Variants in IPO7 observed in about 807,000 individuals in gnomAD.
The protein encoded by IPO7 is importin-7.
In IPO7, 13 loss-of-function variants were observed where a neutral mutation model predicts 136.4. The observed-to-expected ratio is 0.10, with a 90% CI of 0.06 to 0.15. IPO7 has a LOEUF of 0.15. Among genes scored for constraint, IPO7 ranks in the 10% least tolerant of loss-of-function variants. The pLI is 1.00. For missense variants in IPO7, 857 were observed against 1,240.6 expected, an observed-to-expected ratio of 0.69 and a Z score of 4.65; for synonymous variants, 403 against 404.4, an observed-to-expected ratio of 1.00 and a Z score of 0.04.
chr11:9,388,852 C>T (rs1194230528), intron 1 of IPO7, among the ~76,000 whole-genome samples: 2 of 152,142 alleles, frequency 1.3e-5, no homozygotes, highest in Non-Finnish European at 2.9e-5. Flanking sequence ...CAGACACGTG[C>T]TACCACGCCT....
chr11:9,385,725 G>GT (rs143006645), intron 1 of IPO7, among the ~76,000 whole-genome samples: 7 of 149,878 alleles, frequency 4.7e-5, no homozygotes, highest in African/African-American at 7.3e-5. Context: ...TTCTCTGAAG[G>GT]TTTTTTTTTT....
At chr11:9,422,776 T>G (rs1347037319) in intron 8 of IPO7, among the ~76,000 whole-genome samples, 1 of 152,174 alleles carries the variant, frequency 6.6e-6, no homozygotes, top group Non-Finnish European at 1.5e-5. Flanking sequence ...AGTGAGACAC[T>G]GTCTCTAACA....
Position 9,429,661 on chromosome 11 carries a change from CT to C in IPO7, c.1592-10del, listed in dbSNP as rs771882670. Reference sequence around the variant, plus strand: ...AGGGGTTTTACGCAAGTTTTTTACTCTTTCTCTTACAGCTAAAGAATATATC... The same window carrying C: ...AGGGGTTTTACGCAAGTTTTTTACTCTTCTCTTACAGCTAAAGAATATATC... On this transcript the variant is annotated splice_polypyrimidine_tract_variant and intron_variant, in intron 14 of 24. Transcript: ENST00000379719. 8 of 1,592,170 alleles carry C rather than the reference CT, an allele frequency of 5.0e-6. No individual in the cohort carries two copies. In the Admixed American group the frequency reaches 1.5e-4, roughly 29 times the overall value.
Position 9,429,663 on chromosome 11 carries a change from T to C in IPO7, c.1592-11T>C. 6.3e-7 allele frequency: 1 copy of C among 1,595,866 alleles called. No homozygotes were observed. The highest frequency in any genetic ancestry group is 8.5e-7 in the Non-Finnish European group (1 of 1,175,438). On this transcript the variant is annotated splice_polypyrimidine_tract_variant and intron_variant, in intron 14 of 24. Coordinates refer to ENST00000379719, the MANE Select transcript of IPO7 (RefSeq NM_006391.3). ...GGGTTTTACGCAAGTTTTTTACTCTTTCTCTTACAGCTAAAGAATATATCA... is the reference window on the plus strand; with the variant it reads ...GGGTTTTACGCAAGTTTTTTACTCTCTCTCTTACAGCTAAAGAATATATCA...
At chr11:9,442,761 G>T (rs1460827348) in intron 24 of IPO7, among the ~76,000 whole-genome samples, 5 of 151,634 alleles carry the variant, frequency 3.3e-5, no homozygotes, top group African/African-American at 1.2e-4. Flanking sequence ...GGTGGCTCAT[G>T]CCTGTAATTC....
At chr11:9,392,418 T>G (rs1340379655) in intron 1 of IPO7, 2 of 221,156 alleles carry the variant, frequency 9.0e-6, no homozygotes, top group Non-Finnish European at 1.9e-5. Context: ...TCCGCCCACC[T>G]TGGTCTCCCT....
At chr11:9,401,590 T>C (rs1436175210) in intron 1 of IPO7, among the ~76,000 whole-genome samples, 1 of 149,736 alleles carries the variant, frequency 6.7e-6, no homozygotes, top group Admixed American at 6.6e-5. Flanking sequence ...CAGAAGCAAA[T>C]ATGACAAATT....
At chr11:9,419,559 A>ATATATAT (rs1554954689) in intron 6 of IPO7, among the ~76,000 whole-genome samples, 35 of 116,840 alleles carry the variant, frequency 3.0e-4, no homozygotes, top group African/African-American at 1.2e-3. Context: ...AAAAAAAAAA[A>ATATATAT]ATATATATAT....
At chr11:9,412,404 A>T (rs564126345) in intron 4 of IPO7, among the ~76,000 whole-genome samples, 1 of 152,358 alleles carries the variant, frequency 6.6e-6, no homozygotes, top group Non-Finnish European at 1.5e-5. Flanking sequence ...TGGAAAACCA[A>T]TTTAAAGCTG....
chr11:9,403,657 T>C (rs1018946951), intron 2 of IPO7: 1 of 316,844 alleles, frequency 3.2e-6, no homozygotes, highest in Admixed American at 4.8e-5. Context: ...TGGGTGATTA[T>C]AAGACTCAAA....
At chr11:9,420,305 A>G (rs932496586) in intron 6 of IPO7, 106 bp from the exon 7 acceptor site, 53 of 681,512 alleles carry the variant, frequency 7.8e-5, no homozygotes, top group Middle Eastern at 4.2e-4. Context: ...AAAAAAAAAA[A>G]GGCCAGCATT....
chr11:9,407,431 G>A (rs1461701062), intron 2 of IPO7, among the ~76,000 whole-genome samples: 1 of 152,062 alleles, frequency 6.6e-6, no homozygotes, highest in East Asian at 1.9e-4. Flanking sequence ...GTGCATGCCT[G>A]TAAACCCAGC....
intron 1 of IPO7, among the ~76,000 whole-genome samples, chr11:9,397,341 A>AAAAAAATATATATATATATATATATATAT: frequency 1.9e-4 from 2 of 10,760 alleles, no homozygotes; most frequent in African/African-American, 2.5e-4. Flanking sequence ...TTTAAAAAAA[A>AAAAAAATATATATATATATATATATATAT]ATATATATAT....
At chr11:9,439,647 C>T (rs1221224604) in intron 22 of IPO7, among the ~76,000 whole-genome samples, 2 of 151,774 alleles carry the variant, frequency 1.3e-5, no homozygotes, top group Non-Finnish European at 2.9e-5. Flanking sequence ...GCAATCTTGG[C>T]TCACTGCAAC....
intron 20 of IPO7, among the ~76,000 whole-genome samples, chr11:9,436,866 A>ATTTTTTTTTTTTTTTT (rs1855382002): frequency 6.9e-5 from 1 of 14,526 alleles, no homozygotes; most frequent in African/African-American, 2.4e-4. Context: ...ATATATATAT[A>ATTTTTTTTTTTTTTTT]TATTTTTTTT....
chr11:9,386,044 A>T (rs989994902), intron 1 of IPO7, among the ~76,000 whole-genome samples: 4 of 152,240 alleles, frequency 2.6e-5, no homozygotes, highest in African/African-American at 9.6e-5. Flanking sequence ...TAAATAATTT[A>T]AAAACATTGT....
chr11:9,409,974 C>G lies in IPO7; in HGVS notation c.367C>G (p.Pro123Ala). ...CIHHIIKHDY[P>A]SRWTAIVDKI... The stretch of plus-strand genomic sequence containing the variant: ...TCATCACATCATCAAACATGATTAT[C>G]CAAGCCGCTGGACTGCCATTGTGGA... Residue 123 changes from proline (P) to alanine (A), a missense_variant, in exon 4 of 25, where the codon CCA becomes GCA. Around this residue, in one of 11 missense-constraint regions of IPO7, gnomAD observed 287 missense variants for 307.5 expected, o/e 0.93. Coordinates refer to ENST00000379719, the MANE Select transcript of IPO7 (RefSeq NM_006391.3). 2.5e-6 allele frequency: 4 copies of G among 1,604,052 alleles called. No individual in the cohort carries two copies. The highest frequency in any genetic ancestry group is 3.4e-6 in the Non-Finnish European group (4 of 1,175,942).
chr11:9,426,814 G>A (rs1855215814), intron 12 of IPO7, among the ~76,000 whole-genome samples: 3 of 152,072 alleles, frequency 2.0e-5, no homozygotes, highest in Admixed American at 1.3e-4. Context: ...CTGGAGTGCA[G>A]TGGTGAGATC....
Position 9,423,760 on chromosome 11 carries a change from TA to T in IPO7, c.1042-15del. Reference sequence around the variant, plus strand: ...TGAAAACTGATGGTTATTGTTTTCTTAACTTTTAAATTGCAGGGCATTATCC... The same window carrying T: ...TGAAAACTGATGGTTATTGTTTTCTTACTTTTAAATTGCAGGGCATTATCC... On this transcript the variant is annotated splice_polypyrimidine_tract_variant and intron_variant, in intron 9 of 24. Transcript: ENST00000379719. The T allele has an allele frequency of 1.3e-6, 2 of 1,492,754 alleles. No homozygotes were observed. Among genetic ancestry groups the T allele is most frequent in the Non-Finnish European group, 1.8e-6 (2 of 1,091,822 alleles). 92.5% of individuals were successfully genotyped at this position (1,492,754 alleles called of 1,614,324 possible).
Sources: allele counts gnomAD v4.1 joint callset (sites outside exome capture counted in the v4.1 genomes callset), GRCh38; gene constraint gnomAD v4.1.1; regional missense constraint gnomAD v4.1.1; transcripts MANE v1.5; gene names NCBI Gene and HGNC (gene_info 2026-07-23, HGNC 2026-07-21).